GRM7: variants seen among roughly 807,000 people sequenced by gnomAD.
The protein encoded by GRM7 is metabotropic glutamate receptor 7.
Under a neutral mutation model 84.5 loss-of-function variants are expected in GRM7, and 35 were observed. That is an observed-to-expected ratio of 0.41 (90% CI 0.32 to 0.55). GRM7 has a LOEUF of 0.55. Ranked by LOEUF, GRM7 falls within the 20% of genes least tolerant of loss-of-function variation. GRM7 has a pLI of 0.19. For synonymous variants in GRM7, 487 were observed against 455.1 expected, an observed-to-expected ratio of 1.07 and a Z score of -0.89; for missense variants, 1,003 against 1,194.6, an observed-to-expected ratio of 0.84 and a Z score of 2.36.
intron 1 of GRM7, among the ~76,000 whole-genome samples, chr3:6,997,801 A>G (rs958488347): frequency 6.6e-6 from 1 of 152,122 alleles, no homozygotes; most frequent in Non-Finnish European, 1.5e-5. Flanking sequence ...AATCTCTGAC[A>G]AGGCAAGTTC....
chr3:7,381,304 A>G (rs115088631), intron 4 of GRM7, among the ~76,000 whole-genome samples: 2,042 of 152,222 alleles, frequency 0.013, 40 homozygotes, highest in African/African-American at 0.046. Context: ...AAGCTACACA[A>G]TTTTGCACAG....
At chr3:7,233,000 T>C (rs990754486) in intron 2 of GRM7, among the ~76,000 whole-genome samples, 1 of 152,182 alleles carries the variant, frequency 6.6e-6, no homozygotes, top group Non-Finnish European at 1.5e-5. Flanking sequence ...ACAGACTTTT[T>C]AATATTTGCA....
At chr3:7,315,119 A>T (rs928109368) in intron 4 of GRM7, among the ~76,000 whole-genome samples, 1 of 152,212 alleles carries the variant, frequency 6.6e-6, no homozygotes, top group African/African-American at 2.4e-5. Flanking sequence ...AACAAAAACA[A>T]AACAAAACAA....
intron 6 of GRM7, among the ~76,000 whole-genome samples, chr3:7,456,687 C>G (rs1265837357): frequency 1.3e-5 from 1 of 76,782 alleles, no homozygotes; most frequent in Non-Finnish European, 3.6e-5. Flanking sequence ...GGCTAATTTT[C>G]TCTCTCTCTT....
chr3:6,971,785 A>G (rs568951660), intron 1 of GRM7, among the ~76,000 whole-genome samples: 1 of 152,182 alleles, frequency 6.6e-6, no homozygotes, highest in Non-Finnish European at 1.5e-5. Context: ...GAAATTCCTT[A>G]TAGTGATGGA....
intron 2 of GRM7, among the ~76,000 whole-genome samples, chr3:7,242,851 T>G (rs944253635): frequency 4.6e-5 from 7 of 152,144 alleles, no homozygotes; most frequent in Non-Finnish European, 8.8e-5. Context: ...ACAGCCCGTT[T>G]CCCCTCCTGG....
intron 1 of GRM7, among the ~76,000 whole-genome samples, chr3:6,920,450 G>A (rs1211237548): frequency 6.6e-6 from 1 of 152,038 alleles, no homozygotes; most frequent in Non-Finnish European, 1.5e-5. Flanking sequence ...AGCTGCTCAG[G>A]AGGCCGAGGC....
intron 2 of GRM7, among the ~76,000 whole-genome samples, chr3:7,225,159 A>C (rs187991858): frequency 2.3e-3 from 344 of 152,088 alleles, no homozygotes; most frequent in African/African-American, 8.1e-3. Flanking sequence ...TGACTTTTAA[A>C]AATTCATATC....
In GRM7 at chr3:7,298,655, T is replaced by A. The variant is rs758248794; in HGVS notation, c.737-29T>A. On this transcript the variant is annotated intron_variant, in intron 2 of 9. Transcript: ENST00000357716. ...CTTTGACATCTCTGTGGAAACATTA[T>A]TGACACTATGTTTTCTTCTCTTAAA... is the stretch of plus-strand genomic sequence containing the variant. 28 of 1,603,404 alleles carry A rather than the reference T, an allele frequency of 1.7e-5. No individual in the cohort carries two copies. In the South Asian group the frequency reaches 2.0e-4, roughly 11 times the overall value.
At chr3:7,635,500 T>C (rs900109460) in intron 8 of GRM7, among the ~76,000 whole-genome samples, 8 of 152,152 alleles carry the variant, frequency 5.3e-5, no homozygotes, top group African/African-American at 1.9e-4. Context: ...TTGTTTAAGA[T>C]GAAATTCACC....
intron 8 of GRM7, chr3:7,606,949 C>G (rs1174246256): frequency 6.6e-6 from 1 of 152,118 alleles, no homozygotes; most frequent in Non-Finnish European, 1.5e-5. Flanking sequence ...AATGGTAACA[C>G]TTTATATTGC....
intron 5 of GRM7, among the ~76,000 whole-genome samples, chr3:7,433,084 A>G (rs1243018158): frequency 6.6e-6 from 1 of 152,218 alleles, no homozygotes; most frequent in East Asian, 1.9e-4. Flanking sequence ...GAAACCTTCT[A>G]TGGACACAAT....
intron 1 of GRM7, among the ~76,000 whole-genome samples, chr3:7,114,921 G>C (rs1406252338): frequency 6.6e-6 from 1 of 152,114 alleles, no homozygotes; most frequent in Admixed American, 6.6e-5. Context: ...TGGCAGCATG[G>C]CATGCTATCA....
At chr3:7,715,846 G>A (rs759787202) in intron 9 of GRM7, among the ~76,000 whole-genome samples, 1 of 152,118 alleles carries the variant, frequency 6.6e-6, no homozygotes, top group East Asian at 1.9e-4. Flanking sequence ...TGAATCATTT[G>A]TCTCCTTCCT....
intron 2 of GRM7, among the ~76,000 whole-genome samples, chr3:7,237,533 G>T (rs1697389826): frequency 6.6e-6 from 1 of 152,022 alleles, no homozygotes; most frequent in Non-Finnish European, 1.5e-5. Flanking sequence ...TGGTGTGTCT[G>T]AAGTTTGTTC....
At chr3:7,648,738 A>T (rs4686149) in intron 8 of GRM7, among the ~76,000 whole-genome samples, 148,149 of 152,174 alleles carry the variant, frequency 0.97, 72,149 homozygotes, top group East Asian at 1. Context: ...TATCAAAAGG[A>T]CTTCAGATGC....
At chr3:7,506,601 G>A (rs904672743) in intron 7 of GRM7, among the ~76,000 whole-genome samples, 3 of 152,110 alleles carry the variant, frequency 2.0e-5, no homozygotes, top group Non-Finnish European at 2.9e-5. Flanking sequence ...TGTTTATTTA[G>A]CCCACAGTTC....
chr3:7,324,263 C>A (rs1197321887), intron 4 of GRM7, among the ~76,000 whole-genome samples: 2 of 152,142 alleles, frequency 1.3e-5, no homozygotes, highest in African/African-American at 4.8e-5. Flanking sequence ...AATCTAGTTA[C>A]TCTCCTTAGT....
chr3:7,649,689 A>G (rs1197768272), intron 8 of GRM7, among the ~76,000 whole-genome samples: 2 of 152,050 alleles, frequency 1.3e-5, no homozygotes, highest in African/African-American at 4.8e-5. Context: ...CAGGGGATTT[A>G]TTGATATTTA....
Sources: allele counts gnomAD v4.1 joint callset (sites outside exome capture counted in the v4.1 genomes callset), GRCh38; gene constraint gnomAD v4.1.1; transcripts MANE v1.5; gene names NCBI Gene and HGNC (gene_info 2026-07-23, HGNC 2026-07-21).